The following SH3GL2 variants were observed in gnomAD, a reference collection of about 807,000 sequenced individuals.
SH3GL2 encodes the protein SH3 domain containing GRB2 like 2, endophilin A1, also known as endophilin-A1.
Under a neutral mutation model 46.0 loss-of-function variants are expected in SH3GL2, and 24 were observed. The ratio of observed to expected loss-of-function variants is 0.52; its 90% CI spans 0.38 to 0.73. The LOEUF is 0.73. Among genes scored for constraint, SH3GL2 ranks in the 30% least tolerant of loss-of-function variants. The pLI, the probability that SH3GL2 is intolerant of heterozygous loss-of-function variation, is 0.00. For missense variants in SH3GL2, 413 were observed against 424.2 expected, an observed-to-expected ratio of 0.97 and a Z score of 0.23; for synonymous variants, 196 against 147.1, an observed-to-expected ratio of 1.33 and a Z score of -2.40.
At chr9:17,620,353 G>A (rs1245893463) in intron 1 of SH3GL2, among the ~76,000 whole-genome samples, 1 of 152,176 alleles carries the variant, frequency 6.6e-6, no homozygotes, top group African/African-American at 2.4e-5. Context: ...AGGAAAAATA[G>A]CAAATACTTA....
intron 1 of SH3GL2, among the ~76,000 whole-genome samples, chr9:17,732,523 C>G (rs1822212490): frequency 6.6e-6 from 1 of 152,070 alleles, no homozygotes; most frequent in South Asian, 2.1e-4. Context: ...CTTGCAGGAA[C>G]TCAGAAAGTT....
At chr9:17,746,075 A>AT (rs1445261098) in intron 1 of SH3GL2, among the ~76,000 whole-genome samples, 5 of 151,920 alleles carry the variant, frequency 3.3e-5, no homozygotes. Flanking sequence ...AGTGTATCTA[A>AT]TTTTTTTATT....
intron 1 of SH3GL2, among the ~76,000 whole-genome samples, chr9:17,611,343 G>A (rs1176551465): frequency 6.6e-6 from 1 of 151,372 alleles, no homozygotes; most frequent in Non-Finnish European, 1.5e-5. Flanking sequence ...TTTCATTTTT[G>A]CTTTTGGTTG....
intron 1 of SH3GL2, among the ~76,000 whole-genome samples, chr9:17,741,567 G>C (rs1306248275): frequency 1.3e-5 from 2 of 152,156 alleles, no homozygotes; most frequent in African/African-American, 4.8e-5. Flanking sequence ...TTGGAGTGGA[G>C]ATTAAACTCT....
chr9:17,579,722 C>T (rs1267850096), intron 1 of SH3GL2, among the ~76,000 whole-genome samples: 2 of 152,174 alleles, frequency 1.3e-5, no homozygotes, highest in Admixed American at 6.5e-5. Context: ...GAGCGGTGGC[C>T]GCACTGGGGG....
intron 1 of SH3GL2, among the ~76,000 whole-genome samples, chr9:17,745,729 A>G (rs1223018364): frequency 6.6e-6 from 1 of 152,078 alleles, no homozygotes; most frequent in Non-Finnish European, 1.5e-5. Context: ...TGGCCAGGAG[A>G]TGGAGCAGGG....
intron 1 of SH3GL2, among the ~76,000 whole-genome samples, chr9:17,643,851 T>TGAGTAAGA (rs1252080272): frequency 6.6e-6 from 1 of 152,234 alleles, no homozygotes; most frequent in Admixed American, 6.5e-5. Flanking sequence ...CCTCATAAAA[T>TGAGTAAGA]GAGTAAGAGA....
chr9:17,596,764 A>C (rs1818578612), intron 1 of SH3GL2, among the ~76,000 whole-genome samples: 1 of 152,214 alleles, frequency 6.6e-6, no homozygotes, highest in African/African-American at 2.4e-5. Context: ...TCAGCAACCC[A>C]AACAAAATAC....
At chr9:17,716,559 G>A (rs1821765880) in intron 1 of SH3GL2, among the ~76,000 whole-genome samples, 1 of 152,164 alleles carries the variant, frequency 6.6e-6, no homozygotes, top group African/African-American at 2.4e-5. Context: ...AGTGTGCTGA[G>A]TACTGTTCCC....
intron 1 of SH3GL2, among the ~76,000 whole-genome samples, chr9:17,670,252 C>G (rs887078920): frequency 1.3e-5 from 2 of 152,160 alleles, no homozygotes; most frequent in African/African-American, 4.8e-5. Flanking sequence ...CCAGTGCAAG[C>G]TTCCAGGTTC....
chr9:17,719,721 A>G (rs1175184556), intron 1 of SH3GL2, among the ~76,000 whole-genome samples: 3 of 151,834 alleles, frequency 2.0e-5, no homozygotes, highest in Non-Finnish European at 4.4e-5. Context: ...TGAGCCCAGA[A>G]GTTAGAAGCT....
intron 1 of SH3GL2, among the ~76,000 whole-genome samples, chr9:17,650,898 T>A (rs917947315): frequency 1.3e-5 from 2 of 152,190 alleles, no homozygotes; most frequent in Non-Finnish European, 2.9e-5. Context: ...TCTTATGTCC[T>A]TAATGCTAGA....
At chr9:17,681,533 A>G (rs1422364398) in intron 1 of SH3GL2, among the ~76,000 whole-genome samples, 1 of 152,120 alleles carries the variant, frequency 6.6e-6, no homozygotes, top group Non-Finnish European at 1.5e-5. Flanking sequence ...CCTTCCTTAC[A>G]CCTTATACAA....
chr9:17,653,785 T>C (rs1237106715), intron 1 of SH3GL2: 2 of 566,748 alleles, frequency 3.5e-6, no homozygotes, highest in Non-Finnish European at 4.5e-6. Context: ...CAGTTCAATT[T>C]GAGGGTGGCT....
intron 1 of SH3GL2, among the ~76,000 whole-genome samples, chr9:17,619,179 A>G (rs982019050): frequency 6.6e-6 from 1 of 152,194 alleles, no homozygotes; most frequent in Non-Finnish European, 1.5e-5. Flanking sequence ...CCCCTAGTTG[A>G]TGGCAGAGCT....
chr9:17,687,506 A>G (rs1820951580), intron 1 of SH3GL2, among the ~76,000 whole-genome samples: 1 of 146,986 alleles, frequency 6.8e-6, no homozygotes, highest in Admixed American at 6.7e-5. Flanking sequence ...GCAGCAAAAA[A>G]AATTTCAATT....
At chr9:17,703,844 A>G (rs1821398695) in intron 1 of SH3GL2, among the ~76,000 whole-genome samples, 1 of 152,112 alleles carries the variant, frequency 6.6e-6, no homozygotes, top group Admixed American at 6.6e-5. Context: ...CACAGCCAGC[A>G]TCATACTGAA....
chr9:17,732,928 G>T (rs1363567119), intron 1 of SH3GL2, among the ~76,000 whole-genome samples: 1 of 152,078 alleles, frequency 6.6e-6, no homozygotes, highest in Non-Finnish European at 1.5e-5. Flanking sequence ...TTTGGAATCA[G>T]GGGACCTGGG....
intron 1 of SH3GL2, among the ~76,000 whole-genome samples, chr9:17,689,551 C>T (rs1167680129): frequency 1.3e-5 from 2 of 151,992 alleles, no homozygotes. Context: ...CTACAAGGCC[C>T]CATGTGATTT....
Sources: allele counts gnomAD v4.1 joint callset (sites outside exome capture counted in the v4.1 genomes callset), GRCh38; gene constraint gnomAD v4.1.1; transcripts MANE v1.5; gene names NCBI Gene and HGNC (gene_info 2026-07-23, HGNC 2026-07-21).